The following CCR2 variants were observed in gnomAD, a reference collection of about 807,000 sequenced individuals.
CCR2 encodes the protein C-C motif chemokine receptor 2, also known as C-C chemokine receptor type 2.
For synonymous variants in CCR2, 183 were observed against 177.1 expected, an observed-to-expected ratio of 1.03 and a Z score of -0.27; for missense variants, 408 against 440.0, an observed-to-expected ratio of 0.93 and a Z score of 0.65.
Position 46,359,466 on chromosome 3 carries a change from G to A in CCR2, c.*856G>A. The A allele has an allele frequency of 9.3e-7, 1 of 1,073,810 alleles. No homozygotes were observed. Among genetic ancestry groups the A allele is most frequent in the Non-Finnish European group, 1.3e-6 (1 of 791,658 alleles). 66.5% of individuals were successfully genotyped at this position (1,073,810 alleles called of 1,614,324 possible). A position where few individuals can be genotyped will look rare whatever the true frequency, so the allele number is the denominator to read the frequency against. On this transcript the variant is annotated 3_prime_UTR_variant, in exon 2 of 2. Coordinates refer to ENST00000445132, the MANE Select transcript of CCR2 (RefSeq NM_001123396.4). ...CCAGGAGGTAGTGATTATGAGAAGG[G>A]GGTGGAGAATGATGAGTTCCTTCAC...
chr3:46,360,589 T>C lies in CCR2; in HGVS notation c.*1979T>C, dbSNP rs1489577491. ...AAGAATGGAAGGTGGAGAAGCTCCC[T>C]GAAGTAAGCAAAGACTTTCCTCTTA... On this transcript the variant is annotated 3_prime_UTR_variant, in exon 2 of 2. Coordinates refer to ENST00000445132, the MANE Select transcript of CCR2 (RefSeq NM_001123396.4). 1 of 152,242 alleles carries C rather than the reference T, an allele frequency of 6.6e-6. No individual in the cohort carries two copies. Among genetic ancestry groups the C allele is most frequent in the African/African-American group, 2.4e-5 (1 of 41,462 alleles). 9.4% of individuals were successfully genotyped at this position (152,242 alleles called of 1,614,324 possible).
Position 46,357,938 on chromosome 3 carries a change from T to C in CCR2, c.411T>C (p.Asp137=), listed in dbSNP as rs370576018. 1 of 1,614,104 alleles carries C rather than the reference T, an allele frequency of 6.2e-7. No individual in the cohort carries two copies. Among genetic ancestry groups the C allele is most frequent in the African/African-American group, 1.3e-5 (1 of 74,936 alleles). The change falls in exon 2 of 2, where the codon GAT becomes GAC. Residue 137 remains aspartate (D), a synonymous_variant. Transcript: ENST00000445132. ...GIFFIILLTI[D]RYLAIVHAVF... ...TCTTCATCATCCTCCTGACAATCGA[T>C]AGATACCTGGCTATTGTCCATGCTG...
chr3:46,356,815 G>A (rs556697784), intron 1 of CCR2, among the ~76,000 whole-genome samples: 2 of 152,056 alleles, frequency 1.3e-5, no homozygotes, highest in African/African-American at 4.8e-5. Context: ...CTACTCAGGA[G>A]GCTGAGGCAG....
Position 46,358,344 on chromosome 3 carries a change from G to A in CCR2, c.817G>A (p.Gly273Ser), listed in dbSNP as rs201184651. 8.6e-5 allele frequency: 139 copies of A among 1,614,076 alleles called. No individual in the cohort carries two copies. The highest frequency in any genetic ancestry group is 1.0e-4 in the Non-Finnish European group (118 of 1,180,010). ...ILLNTFQEFF[G>S]LSNCESTSQL... ...CCTGAACACCTTCCAGGAATTCTTC[G>A]GCCTGAGTAACTGTGAAAGCACCAG... Residue 273 changes from glycine to serine, a missense_variant, in exon 2 of 2, where the codon GGC becomes AGC. Gly to Ser is a moderately conservative substitution (Grantham distance 56). Coordinates refer to ENST00000445132, the MANE Select transcript of CCR2 (RefSeq NM_001123396.4).
Position 46,358,907 on chromosome 3 carries a change from C to T in CCR2, c.*297C>T. On this transcript the variant is annotated 3_prime_UTR_variant, in exon 2 of 2. Transcript: ENST00000445132. The stretch of plus-strand genomic sequence containing the variant: ...TTCTAGTCTTCATAATTTCTTCACT[C>T]AATCTCTGATTCTGTCAATGTCTTG... 2.7e-6 allele frequency: 3 copies of T among 1,110,234 alleles called. No individual in the cohort carries two copies. Among genetic ancestry groups the T allele is most frequent in the Non-Finnish European group, 3.3e-6 (3 of 898,018 alleles). The allele number at this position is 1,110,234 out of a possible 1,614,324, so 68.8% of individuals were successfully genotyped here.
chr3:46,359,036 G>T lies in CCR2; in HGVS notation c.*426G>T. The T allele has an allele frequency of 3.9e-6, 4 of 1,022,194 alleles. No individual in the cohort carries two copies. Among genetic ancestry groups the T allele is most frequent in the Non-Finnish European group, 3.6e-6 (3 of 842,860 alleles). The allele number at this position is 1,022,194 out of a possible 1,614,324, so 63.3% of individuals were successfully genotyped here. A position where few individuals can be genotyped will look rare whatever the true frequency, so the allele number is the denominator to read the frequency against. On this transcript the variant is annotated 3_prime_UTR_variant, in exon 2 of 2. Transcript: ENST00000445132. ...GCTGAGAGGAGAAGGAGGGAGACAT[G>T]AGCATGGCTGAGCCTGGACAAAGAC... is the stretch of plus-strand genomic sequence containing the variant.
At chr3:46,355,522 T>C (rs1020491235) in intron 1 of CCR2, among the ~76,000 whole-genome samples, 1 of 152,180 alleles carries the variant, frequency 6.6e-6, no homozygotes, top group Non-Finnish European at 1.5e-5. Flanking sequence ...ATATAAGTCA[T>C]AGGGCTACTG....
rs1031244393 is a variant in CCR2, at chr3:46,359,269, C to T, written c.*659C>T. Reference sequence around the variant, plus strand: ...CTTTATTACAGTTTATCTATGGCACCCATGCACCTTACATTTGAAATCTAT... The same window carrying T: ...CTTTATTACAGTTTATCTATGGCACTCATGCACCTTACATTTGAAATCTAT... On this transcript the variant is annotated 3_prime_UTR_variant, in exon 2 of 2. Transcript: ENST00000445132. 2.0e-5 allele frequency: 20 copies of T among 1,009,360 alleles called. No homozygotes were observed. The highest frequency in any genetic ancestry group is 2.4e-5 in the Non-Finnish European group (20 of 836,068). The allele number at this position is 1,009,360 out of a possible 1,614,324, so 62.5% of individuals were successfully genotyped here.
chr3:46,357,518 C>G lies in CCR2; in HGVS notation c.-10C>G. The stretch of plus-strand genomic sequence containing the variant: ...TGAACAAGGACGCATTTCCCCAGTA[C>G]ATCCACAACATGCTGTCCACATCTC... On this transcript the variant is annotated 5_prime_UTR_variant, in exon 2 of 2. Coordinates refer to ENST00000445132, the MANE Select transcript of CCR2 (RefSeq NM_001123396.4). 6.2e-7 allele frequency: 1 copy of G among 1,610,796 alleles called. No homozygotes were observed. Among genetic ancestry groups the G allele is most frequent in the Non-Finnish European group, 8.5e-7 (1 of 1,177,420 alleles).
rs1206402004 is a variant in CCR2 at position 46,359,695 on chromosome 3, T to C, written c.*1085T>C. ...CCCACAGCCTTTTTCACATAGCTCT[T>C]GGCTGTAGGATTGCCCCACTCCAAA... On this transcript the variant is annotated 3_prime_UTR_variant, in exon 2 of 2. Coordinates refer to ENST00000445132, the MANE Select transcript of CCR2 (RefSeq NM_001123396.4). 6.2e-7 allele frequency: 1 copy of C among 1,612,872 alleles called. No individual in the cohort carries two copies. The highest frequency in any genetic ancestry group is 1.1e-5 in the South Asian group (1 of 90,802).
At chr3:46,355,470 G>C (rs1032735926) in intron 1 of CCR2, among the ~76,000 whole-genome samples, 6 of 152,194 alleles carry the variant, frequency 3.9e-5, no homozygotes, top group Admixed American at 6.5e-5. Flanking sequence ...CAGAAAAGAT[G>C]TTGTGCTGGG....
chr3:46,357,102 T>C (rs964622637), intron 1 of CCR2, among the ~76,000 whole-genome samples: 1 of 152,168 alleles, frequency 6.6e-6, no homozygotes, highest in African/African-American at 2.4e-5. Flanking sequence ...GTCTGTCTTA[T>C]CAGGGAAGAA....
rs750227804 is a variant in CCR2 at position 46,358,544 on chromosome 3, A to G, written c.1017A>G (p.Thr339=). Residue 339 remains threonine, a synonymous_variant, in exon 2 of 2, where the codon ACA becomes ACG. Coordinates refer to ENST00000445132, the MANE Select transcript of CCR2 (RefSeq NM_001123396.4). The part of the protein sequence containing the change: ...CKQCPVFYRE[T]VDGVTSTNTP... Reference sequence around the variant, plus strand: ...AATGTCCAGTTTTCTACAGGGAGACAGTGGATGGAGTGACTTCAACAAACA... The same window carrying G: ...AATGTCCAGTTTTCTACAGGGAGACGGTGGATGGAGTGACTTCAACAAACA... 1 of 1,610,770 alleles carries G rather than the reference A, an allele frequency of 6.2e-7. No individual in the cohort carries two copies.
In CCR2 at chr3:46,359,464, G is replaced by T; in HGVS notation, c.*854G>T. The stretch of plus-strand genomic sequence containing the variant: ...CTCCAGGAGGTAGTGATTATGAGAA[G>T]GGGGTGGAGAATGATGAGTTCCTTC... On this transcript the variant is annotated 3_prime_UTR_variant, in exon 2 of 2. Transcript: ENST00000445132. 9.3e-7 allele frequency: 1 copy of T among 1,077,568 alleles called. No individual in the cohort carries two copies. Among genetic ancestry groups the T allele is most frequent in the Non-Finnish European group, 1.3e-6 (1 of 796,428 alleles). The allele number at this position is 1,077,568 out of a possible 1,614,324, so 66.8% of individuals were successfully genotyped here. A position where few individuals can be genotyped will look rare whatever the true frequency, so the allele number is the denominator to read the frequency against.
rs552417398 is a variant in CCR2, at chr3:46,355,922, T to C, written c.-51-1555T>C. Among the ~76,000 whole-genome samples the C allele has an allele frequency of 1.3e-4, 20 of 152,358 alleles. No individual in the cohort carries two copies. The South Asian group carries it at 3.9e-3, about 30-fold the overall frequency. On this transcript the variant is annotated intron_variant, in intron 1 of 1. Coordinates refer to ENST00000445132, the MANE Select transcript of CCR2 (RefSeq NM_001123396.4). ...TCCAGGTTTGTTTGGCTCCAAAAAC[T>C]GGCTCCTAATTTTCAGAAGGAGAAG...
rs769023852 is a variant in CCR2, at chr3:46,358,401, A to G, written c.874A>G (p.Thr292Ala). ...QLDQATQVTE[T>A]LGMTHCCINP... Reference sequence around the variant, plus strand: ...GGACCAAGCCACGCAGGTGACAGAGACTCTTGGGATGACTCACTGCTGCAT... The same window carrying G: ...GGACCAAGCCACGCAGGTGACAGAGGCTCTTGGGATGACTCACTGCTGCAT... The change falls in exon 2 of 2, where the codon ACT becomes GCT. Residue 292 changes from threonine (T) to alanine (A), a missense_variant. Coordinates refer to ENST00000445132, the MANE Select transcript of CCR2 (RefSeq NM_001123396.4). The G allele has an allele frequency of 1.9e-6, 3 of 1,613,506 alleles. No individual in the cohort carries two copies. Among genetic ancestry groups the G allele is most frequent in the Non-Finnish European group, 2.5e-6 (3 of 1,179,956 alleles).
chr3:46,357,617 TCC>T lies in CCR2; in HGVS notation c.92_93del (p.Pro31LeufsTer3). 4 of 1,614,094 alleles carry T rather than the reference TCC, an allele frequency of 2.5e-6. No homozygotes were observed. The highest frequency in any genetic ancestry group is 3.4e-6 in the Non-Finnish European group (4 of 1,179,980). The part of the protein sequence containing the change: ...TTFFDYDYGA[P>X]CHKFDVKQIG... ...CCTTTTTTGATTATGATTACGGTGC[TCC>T]CTGTCATAAATTTGACGTGAAGCAA... On this transcript the variant is annotated frameshift_variant, in exon 2 of 2. Coordinates refer to ENST00000445132, the MANE Select transcript of CCR2 (RefSeq NM_001123396.4). LOFTEE classifies it low-confidence loss of function (END_TRUNC).
chr3:46,359,956 A>G lies in CCR2; in HGVS notation c.*1346A>G. ...AATCTTGGTGTCTACGTTACCAGGC[A>G]GGAAGGCTGAGAGGAGAGAGACTCC... On this transcript the variant is annotated 3_prime_UTR_variant, in exon 2 of 2. Transcript: ENST00000445132. The G allele has an allele frequency of 8.2e-7, 1 of 1,213,610 alleles. No homozygotes were observed. The highest frequency in any genetic ancestry group is 1.5e-5 in the African/African-American group (1 of 65,248). The allele number at this position is 1,213,610 out of a possible 1,614,324, so 75.2% of individuals were successfully genotyped here.
At position 46,359,309 on chromosome 3, in the gene CCR2, C is replaced by T; in HGVS notation, c.*699C>T. 1 of 1,020,454 alleles carries T rather than the reference C, an allele frequency of 9.8e-7. No homozygotes were observed. Among genetic ancestry groups the T allele is most frequent in the Non-Finnish European group, 1.2e-6 (1 of 843,826 alleles). 63.2% of individuals were successfully genotyped at this position (1,020,454 alleles called of 1,614,324 possible). A position where few individuals can be genotyped will look rare whatever the true frequency, so the allele number is the denominator to read the frequency against. ...TTGAAATCTATGAAATATCATGCTC[C>T]ATTGTTCAGATGCTTCTTAGGCCAC... On this transcript the variant is annotated 3_prime_UTR_variant, in exon 2 of 2. Coordinates refer to ENST00000445132, the MANE Select transcript of CCR2 (RefSeq NM_001123396.4).
Sources: allele counts gnomAD v4.1 joint callset (sites outside exome capture counted in the v4.1 genomes callset), GRCh38; gene constraint gnomAD v4.1.1; transcripts MANE v1.5; gene names NCBI Gene and HGNC (gene_info 2026-07-23, HGNC 2026-07-21).